Variants in NELL1 observed in about 807,000 individuals in gnomAD.
NELL1 encodes the protein protein kinase C-binding protein NELL1.
In NELL1, 76 loss-of-function variants were observed where a neutral mutation model predicts 107.4. The ratio of observed to expected loss-of-function variants is 0.71; its 90% CI spans 0.59 to 0.86. The LOEUF (loss-of-function observed/expected upper bound fraction) is 0.86, where lower values mean the gene tolerates loss of function less well. NELL1 is among the 40% of genes least tolerant of loss of function. The pLI is 0.00. For missense variants in NELL1, 1,024 were observed against 1,005.5 expected (o/e 1.02, Z -0.25); for synonymous variants, 353 against 341.2 (o/e 1.03, Z -0.38).
At chr11:21,184,266 G>T (rs945357141) in intron 13 of NELL1, among the ~76,000 whole-genome samples, 10 of 151,532 alleles carry the variant, frequency 6.6e-5, no homozygotes, top group Admixed American at 3.9e-4. Flanking sequence ...TTTATTGTTT[G>T]TTTTGTTTTG....
At chr11:21,180,177 GT>G (rs2133822908) in intron 13 of NELL1, among the ~76,000 whole-genome samples, 1 of 151,690 alleles carries the variant, frequency 6.6e-6, no homozygotes, top group African/African-American at 2.4e-5. Flanking sequence ...TCATTTTGCT[GT>G]TCTTATATAA....
intron 15 of NELL1, among the ~76,000 whole-genome samples, chr11:21,400,579 G>A (rs1348126990): frequency 6.6e-6 from 1 of 151,804 alleles, no homozygotes; most frequent in Non-Finnish European, 1.5e-5. Context: ...AATCTTGAAA[G>A]TTGATAAACA....
chr11:21,353,553 G>A (rs938770871), intron 14 of NELL1, among the ~76,000 whole-genome samples: 1 of 152,116 alleles, frequency 6.6e-6, no homozygotes, highest in African/African-American at 2.4e-5. Flanking sequence ...AAGAACAAGG[G>A]CAGCCCATGT....
intron 15 of NELL1, among the ~76,000 whole-genome samples, chr11:21,503,385 C>T (rs998406963): frequency 1.8e-4 from 27 of 152,104 alleles, no homozygotes; most frequent in African/African-American, 6.3e-4. Context: ...AATGTTAAGA[C>T]GCGCTAGGAC....
At chr11:21,340,282 A>G (rs1447199363) in intron 14 of NELL1, among the ~76,000 whole-genome samples, 1 of 151,844 alleles carries the variant, frequency 6.6e-6, no homozygotes, top group Non-Finnish European at 1.5e-5. Context: ...CCTCCCGAGT[A>G]GCTGGGACTA....
chr11:20,701,043 C>T, intron 2 of NELL1, among the ~76,000 whole-genome samples: 1 of 152,164 alleles, frequency 6.6e-6, no homozygotes, highest in Non-Finnish European at 1.5e-5. Flanking sequence ...ATGGCTGGGT[C>T]AAATGGTATT....
At chr11:21,403,143 T>G (rs1852138715) in intron 15 of NELL1, among the ~76,000 whole-genome samples, 1 of 151,778 alleles carries the variant, frequency 6.6e-6, no homozygotes, top group Admixed American at 6.6e-5. Context: ...TTTCATTATC[T>G]TAGATTATAA....
chr11:20,807,540 G>A (rs1231897425), intron 3 of NELL1, among the ~76,000 whole-genome samples: 5 of 152,158 alleles, frequency 3.3e-5, no homozygotes, highest in East Asian at 1.9e-4. Context: ...TACTATAACC[G>A]CTACCTGTCT....
At chr11:21,299,383 A>T (rs1849444051) in intron 14 of NELL1, among the ~76,000 whole-genome samples, 1 of 151,922 alleles carries the variant, frequency 6.6e-6, no homozygotes, top group Non-Finnish European at 1.5e-5. Flanking sequence ...GAGAGTAAAG[A>T]ACCTGGAACA....
intron 4 of NELL1, among the ~76,000 whole-genome samples, chr11:20,868,242 C>T (rs1447509342): frequency 2.0e-5 from 3 of 152,080 alleles, no homozygotes; most frequent in Non-Finnish European, 4.4e-5. Context: ...CCATGACTCC[C>T]AAGCCATCAT....
chr11:21,328,489 A>G (rs182886923), intron 14 of NELL1, among the ~76,000 whole-genome samples: 105 of 152,284 alleles, frequency 6.9e-4, no homozygotes, highest in African/African-American at 2.5e-3. Flanking sequence ...AACCTCTCCT[A>G]TGGCAGTGTG....
chr11:21,062,233 T>C (rs1189805721), intron 12 of NELL1, among the ~76,000 whole-genome samples: 1 of 152,222 alleles, frequency 6.6e-6, no homozygotes, highest in East Asian at 1.9e-4. Context: ...GATTATAACT[T>C]AGGCTAATAT....
At chr11:21,048,561 C>T (rs1405515581) in intron 12 of NELL1, among the ~76,000 whole-genome samples, 1 of 152,012 alleles carries the variant, frequency 6.6e-6, no homozygotes, top group Non-Finnish European at 1.5e-5. Flanking sequence ...AGTTTTTAAC[C>T]TGCTGGGTTC....
chr11:21,344,573 A>G (rs1486221211), intron 14 of NELL1, among the ~76,000 whole-genome samples: 1 of 152,178 alleles, frequency 6.6e-6, no homozygotes, highest in Non-Finnish European at 1.5e-5. Context: ...CATAAAAGGA[A>G]TAGCAGTGGT....
At chr11:20,704,236 T>C (rs1222498090) in intron 2 of NELL1, among the ~76,000 whole-genome samples, 1 of 152,260 alleles carries the variant, frequency 6.6e-6, no homozygotes, top group African/African-American at 2.4e-5. Flanking sequence ...TCTTGTTGAA[T>C]TGATCCCTTT....
intron 14 of NELL1, among the ~76,000 whole-genome samples, chr11:21,307,869 A>C (rs1187236627): frequency 1.4e-5 from 2 of 146,842 alleles, no homozygotes; most frequent in Non-Finnish European, 2.9e-5. Context: ...AAAAACAAGT[A>C]ACCTTGTACT....
At chr11:21,302,770 TG>T (rs1294624361) in intron 14 of NELL1, among the ~76,000 whole-genome samples, 1 of 151,590 alleles carries the variant, frequency 6.6e-6, no homozygotes, top group East Asian at 1.9e-4. Flanking sequence ...AAAAGGAGAA[TG>T]GGGGCTAGGC....
chr11:21,158,584 C>G (rs1022369895), intron 13 of NELL1, among the ~76,000 whole-genome samples: 2 of 152,168 alleles, frequency 1.3e-5, no homozygotes, highest in African/African-American at 4.8e-5. Flanking sequence ...TTTGATTCTT[C>G]ATCTTACCTT....
At chr11:21,314,559 A>G (rs542260263) in intron 14 of NELL1, among the ~76,000 whole-genome samples, 2 of 152,304 alleles carry the variant, frequency 1.3e-5, no homozygotes, top group African/African-American at 4.8e-5. Flanking sequence ...GGTACTCTAC[A>G]GGATGCTGGA....
Sources: allele counts gnomAD v4.1 joint callset (sites outside exome capture counted in the v4.1 genomes callset), GRCh38; gene constraint gnomAD v4.1.1; transcripts MANE v1.5; gene names NCBI Gene and HGNC (gene_info 2026-07-23, HGNC 2026-07-21).